The following OR4E2 variants were observed in gnomAD, a reference collection of about 807,000 sequenced individuals.
OR4E2 encodes olfactory receptor 4E2.
OR4E2 carries 9 observed loss-of-function variants against 11.0 expected under a neutral mutation model. That is an observed-to-expected ratio of 0.82 (90% CI 0.49 to 1.43). The LOEUF (loss-of-function observed/expected upper bound fraction) is 1.43. Ranked by LOEUF, OR4E2 falls within the 40% of genes most tolerant of loss-of-function variation. OR4E2 has a pLI of 0.00. For missense variants in OR4E2, 441 were observed against 382.0 expected (o/e 1.15, Z -1.29); for synonymous variants, 159 against 147.3 (o/e 1.08, Z -0.57).
intron 3 of OR4E2, among the ~76,000 whole-genome samples, chr14:21,663,191 A>T (rs1880429255): frequency 6.6e-6 from 1 of 152,102 alleles, no homozygotes; most frequent in South Asian, 2.1e-4. Flanking sequence ...CTCTTAAAAA[A>T]ATTTTAGTCT....
intron 3 of OR4E2, 29 bp downstream of exon 3, chr14:21,660,775 A>G (rs1263450527): frequency 1.3e-5 from 2 of 152,002 alleles, no homozygotes; most frequent in Non-Finnish European, 2.9e-5. Context: ...AGCTTGACCT[A>G]TGTTTTAATA....
rs993632973 is a variant in OR4E2 at position 21,667,370 on chromosome 14, C to A, written c.*1346C>A. 3 of 151,870 alleles carry A rather than the reference C, an allele frequency of 2.0e-5. No homozygotes were observed. Among genetic ancestry groups the A allele is most frequent in the Admixed American group, 6.6e-5 (1 of 15,248 alleles). 9.4% of individuals were successfully genotyped at this position (151,870 alleles called of 1,614,324 possible). ...ACATACACAATACAGAGTGAGTGAC[C>A]CACTAACTCTAACTAAAGAGTAATA... On this transcript the variant is annotated 3_prime_UTR_variant, in exon 4 of 4. Transcript: ENST00000641524.
At chr14:21,654,699 C>T (rs1448136486) in intron 1 of OR4E2, among the ~76,000 whole-genome samples, 4 of 151,058 alleles carry the variant, frequency 2.6e-5, no homozygotes, top group Non-Finnish European at 4.4e-5. Context: ...AGTTCAAATC[C>T]GTGTTGTTCA....
rs530456512 is a variant in OR4E2 at position 21,659,373 on chromosome 14, C to G, written c.-102-1280C>G. Among the ~76,000 whole-genome samples the G allele has an allele frequency of 2.0e-5, 3 of 152,288 alleles. No homozygotes were observed. The South Asian group carries it at 6.2e-4, about 32-fold the overall frequency. ...TAAAAAAATTAATTCAATAAGTATT[C>G]AGTGAGTTCTTCCTTTATGCCAGTT... On this transcript the variant is annotated intron_variant, in intron 2 of 3. Transcript: ENST00000641524.
At chr14:21,657,485 TTCCTTCCTTCCTTCCTTCC>T (rs2139799671) in intron 2 of OR4E2, among the ~76,000 whole-genome samples, 1 of 119,970 alleles carries the variant, frequency 8.3e-6, no homozygotes, top group East Asian at 2.5e-4. Context: ...CCTTCCTTCC[TTCCTTCCTTCCTTCCTTCC>T]TTCTTTCTTT....
At chr14:21,655,058 C>T (rs1315168862) in intron 1 of OR4E2, among the ~76,000 whole-genome samples, 2 of 152,138 alleles carry the variant, frequency 1.3e-5, no homozygotes, top group African/African-American at 4.8e-5. Flanking sequence ...ACCTTCAAAG[C>T]AACAGCTAGA....
In OR4E2 at chr14:21,665,463, CACTCCA is replaced by C. The variant is rs760832543; in HGVS notation, c.382_387del (p.Thr128_Pro129del). Reference sequence around the variant, plus strand: ...CGTATGATCGTTACGTGGCTATCTGCACTCCACTCCACTACCCCAATGTGATGAACA... The same window carrying C: ...CGTATGATCGTTACGTGGCTATCTGCCTCCACTACCCCAATGTGATGAACA... On this transcript the variant is annotated inframe_deletion, in exon 4 of 4. Coordinates refer to ENST00000641524, the MANE Select transcript of OR4E2 (RefSeq NM_001001912.3). The C allele has an allele frequency of 6.2e-7, 1 of 1,613,760 alleles. No homozygotes were observed. Among genetic ancestry groups the C allele is most frequent in the Non-Finnish European group, 8.5e-7 (1 of 1,179,798 alleles).
At chr14:21,654,143 T>C (rs1879797300) in intron 1 of OR4E2, among the ~76,000 whole-genome samples, 1 of 152,154 alleles carries the variant, frequency 6.6e-6, no homozygotes. Context: ...CTCACCTTTA[T>C]AATGTGATCA....
At chr14:21,657,493 TTCC>T (rs1880062463) in intron 2 of OR4E2, among the ~76,000 whole-genome samples, 34 of 121,696 alleles carry the variant, frequency 2.8e-4, no homozygotes, top group African/African-American at 1.1e-3. Context: ...CCTTCCTTCC[TTCC>T]TTCCTTCCTT....
chr14:21,665,720 C>A lies in OR4E2; in HGVS notation c.638C>A (p.Ala213Asp), dbSNP rs201657004. Reference protein sequence around the residue: ...SGTISLSCFLAVVTSYMVILV... With the variant: ...SGTISLSCFLDVVTSYMVILV... ...ACCATCTCCCTCTCCTGTTTCTTGG[C>A]CGTGGTCACCTCCTATATGGTCATC... Residue 213 changes from alanine to aspartate, a missense_variant, in exon 4 of 4, where the codon GCC becomes GAC. Coordinates refer to ENST00000641524, the MANE Select transcript of OR4E2 (RefSeq NM_001001912.3). 17 of 1,614,024 alleles carry A rather than the reference C, an allele frequency of 1.1e-5. No individual in the cohort carries two copies. The African/African-American group carries it at 1.9e-4, about 18-fold the overall frequency.
chr14:21,659,691 A>G (rs891466519), intron 2 of OR4E2, among the ~76,000 whole-genome samples: 2 of 152,240 alleles, frequency 1.3e-5, no homozygotes, highest in African/African-American at 2.4e-5. Context: ...ACGGAATAAT[A>G]TATTAGAGAA....
At chr14:21,656,234 C>A (rs534907240) in intron 1 of OR4E2, among the ~76,000 whole-genome samples, 1 of 150,940 alleles carries the variant, frequency 6.6e-6, no homozygotes, top group East Asian at 1.9e-4. Flanking sequence ...TTGGTGTGTG[C>A]CTGTAGTCCC....
chr14:21,656,174 C>A (rs1278293588), intron 1 of OR4E2, among the ~76,000 whole-genome samples: 4 of 144,274 alleles, frequency 2.8e-5, no homozygotes, highest in Admixed American at 6.9e-5. Context: ...AACAAACAAC[C>A]AAAAAAAAAA....
At chr14:21,654,380 G>A (rs563073676) in intron 1 of OR4E2, among the ~76,000 whole-genome samples, 28 of 148,356 alleles carry the variant, frequency 1.9e-4, no homozygotes, top group Middle Eastern at 3.4e-3. Context: ...ACACACACAC[G>A]CATGCACACA....
rs370455211 is a variant in OR4E2 at position 21,665,195 on chromosome 14, C to T, written c.113C>T (p.Thr38Met). The change falls in exon 4 of 4, where the codon ACG becomes ATG. Residue 38 changes from threonine to methionine, a missense_variant. By Grantham distance (81) the Thr-to-Met change is moderately conservative. Transcript: ENST00000641524. ...GCATTCTCAGCCATTTATATGCTAACGCTTTCGGGGAACATTCTCATCATC... is the reference window on the plus strand; with the variant it reads ...GCATTCTCAGCCATTTATATGCTAATGCTTTCGGGGAACATTCTCATCATC... ...FMAFSAIYMLTLSGNILIIIA... is the reference protein window; with the variant it reads ...FMAFSAIYMLMLSGNILIIIA... The T allele has an allele frequency of 3.1e-5, 50 of 1,613,602 alleles. No individual in the cohort carries two copies. The highest frequency in any genetic ancestry group is 1.1e-4 in the African/African-American group (8 of 74,892).
intron 2 of OR4E2, among the ~76,000 whole-genome samples, chr14:21,657,537 CTTT>C (rs1880071425): frequency 2.1e-5 from 3 of 140,974 alleles, no homozygotes; most frequent in African/African-American, 5.3e-5. Context: ...TTCTTTCTTT[CTTT>C]CTTTTTCTGT....
chr14:21,655,733 T>A (rs1316260672), intron 1 of OR4E2, among the ~76,000 whole-genome samples: 1 of 152,160 alleles, frequency 6.6e-6, no homozygotes, highest in East Asian at 1.9e-4. Flanking sequence ...AGTATCAAGT[T>A]ATATCCCCTA....
Position 21,665,708 on chromosome 14 carries a change from CCTGTTT to C in OR4E2, c.629_634del (p.Cys210_Phe211del). On this transcript the variant is annotated inframe_deletion, in exon 4 of 4. Transcript: ENST00000641524. ...ACCAATAGTGGAACCATCTCCCTCT[CCTGTTT>C]CTTGGCCGTGGTCACCTCCTATATG... The C allele has an allele frequency of 6.2e-7, 1 of 1,614,198 alleles. No individual in the cohort carries two copies. The highest frequency in any genetic ancestry group is 8.5e-7 in the Non-Finnish European group (1 of 1,180,038).
intron 1 of OR4E2, among the ~76,000 whole-genome samples, chr14:21,656,098 C>A (rs1025113477): frequency 6.6e-6 from 1 of 151,190 alleles, no homozygotes; most frequent in Non-Finnish European, 1.5e-5. Context: ...AGCAACATAG[C>A]GAAGCCCCTG....
Sources: allele counts gnomAD v4.1 joint callset (sites outside exome capture counted in the v4.1 genomes callset), GRCh38; gene constraint gnomAD v4.1.1; transcripts MANE v1.5; gene names NCBI Gene and HGNC (gene_info 2026-07-23, HGNC 2026-07-21).